Variants in KIZ observed in about 807,000 individuals in gnomAD.
The protein encoded by KIZ is centrosomal protein kizuna.
KIZ carries 68 observed loss-of-function variants against 79.6 expected under a neutral mutation model. The ratio of observed to expected loss-of-function variants is 0.85; its 90% confidence interval spans 0.70 to 1.05. The LOEUF is 1.05. Among genes scored for constraint, KIZ ranks in the 50% least tolerant of loss-of-function variants. The probability of loss-of-function intolerance (pLI) is 0.00; values close to 1 mark genes in which losing one functional copy is unlikely to be tolerated. For synonymous variants in KIZ, 280 were observed against 281.8 expected, an observed-to-expected ratio of 0.99 and a Z score of 0.06; for missense variants, 797 against 800.4, an observed-to-expected ratio of 1.00 and a Z score of 0.05.
intron 6 of KIZ, chr20:21,166,400 T>A (rs1264270069): frequency 6.3e-7 from 1 of 1,598,672 alleles, no homozygotes; most frequent in Non-Finnish European, 8.5e-7. Flanking sequence ...TTAGCCTGCC[T>A]GTGAGGTTCA....
At chr20:21,145,269 A>G (rs540331400) in intron 3 of KIZ, among the ~76,000 whole-genome samples, 40 of 151,950 alleles carry the variant, frequency 2.6e-4, no homozygotes, top group Non-Finnish European at 5.0e-4. Flanking sequence ...CAAACTGTAT[A>G]CATATATATA....
intron 6 of KIZ, among the ~76,000 whole-genome samples, chr20:21,183,585 T>C (rs1600477948): frequency 6.6e-6 from 1 of 152,228 alleles, no homozygotes; most frequent in African/African-American, 2.4e-5. Flanking sequence ...TTTTTACATA[T>C]GTGCTAAATA....
chr20:21,150,049 G>A (rs1233044241), intron 4 of KIZ, among the ~76,000 whole-genome samples: 1 of 152,180 alleles, frequency 6.6e-6, no homozygotes, highest in Non-Finnish European at 1.5e-5. Flanking sequence ...GTCCCATTGG[G>A]GAACCTTGGA....
intron 4 of KIZ, among the ~76,000 whole-genome samples, chr20:21,147,734 A>G (rs1681682308): frequency 1.3e-5 from 2 of 152,238 alleles, no homozygotes; most frequent in South Asian, 4.1e-4. Flanking sequence ...AGTGTGTGAT[A>G]AAGTGCCAGT....
chr20:21,137,538 A>T (rs2122390012), intron 3 of KIZ, among the ~76,000 whole-genome samples: 1 of 151,080 alleles, frequency 6.6e-6, no homozygotes, highest in South Asian at 2.1e-4. Context: ...TCAAATACAC[A>T]GAAGAGTTAG....
intron 2 of KIZ, 78 bp from the exon 3 acceptor site, chr20:21,136,312 A>T: frequency 1.2e-6 from 1 of 866,794 alleles, no homozygotes; most frequent in Non-Finnish European, 1.8e-6. Context: ...CTCATTAACA[A>T]TTTTGATGAA....
chr20:21,214,558 C>G lies in KIZ; in HGVS notation c.1470C>G (p.Ala490=). ...KEEATALLRK[A]LTEECGRRSA... ...AGGCAACAGCATTATTGAGAAAAGC[C>G]CTTACAGAAGAGTGTGGCCGTAGGT... is the stretch of plus-strand genomic sequence containing the variant. Residue 490 remains alanine, a synonymous_variant, in exon 8 of 13, where the codon GCC becomes GCG. Transcript: ENST00000619189. 9 of 1,613,306 alleles carry G rather than the reference C, an allele frequency of 5.6e-6. No homozygotes were observed. The highest frequency in any genetic ancestry group is 7.6e-6 in the Non-Finnish European group (9 of 1,179,496).
In KIZ at chr20:21,126,121, C is replaced by G. The variant is rs1016590278; in HGVS notation, c.6C>G (p.Ser2Arg). Residue 2 changes from serine to arginine, a missense_variant, in exon 1 of 13, where the codon AGC becomes AGG. By Grantham distance (110) the Ser-to-Arg change is moderately radical. Coordinates refer to ENST00000619189, the MANE Select transcript of KIZ (RefSeq NM_018474.6). M[S>R]RTLASAVPLS... ...GCTGGCGCAGCGGCAGCAGCATGAG[C>G]CGGACCCTCGCATCGGCCGTGCCCC... 2.0e-6 allele frequency: 3 copies of G among 1,514,670 alleles called. No individual in the cohort carries two copies. The highest frequency in any genetic ancestry group is 2.7e-6 in the Non-Finnish European group (3 of 1,131,814). The allele number at this position is 1,514,670 out of a possible 1,614,324, so 93.8% of individuals were successfully genotyped here.
rs763757052 is a variant in KIZ, at chr20:21,162,482, G to A, written c.1017G>A (p.Lys339=). 14 of 1,612,786 alleles carry A rather than the reference G, an allele frequency of 8.7e-6. No individual in the cohort carries two copies. Among genetic ancestry groups the A allele is most frequent in the East Asian group, 4.5e-5 (2 of 44,860 alleles). The change falls in exon 5 of 13, where the codon AAG becomes AAA. Residue 339 remains lysine (K), a synonymous_variant. Coordinates refer to ENST00000619189, the MANE Select transcript of KIZ (RefSeq NM_018474.6). The stretch of plus-strand genomic sequence containing the variant: ...CTGAAAATAAGTGGTCTCAAGAGAA[G>A]CATTCTCCTTGGGAAGGTGTTTCAG... ...CESENKWSQE[K]HSPWEGVSDH... is the part of the protein sequence containing the mutation.
At chr20:21,211,995 A>G (rs754517982) in intron 7 of KIZ, among the ~76,000 whole-genome samples, 1 of 152,202 alleles carries the variant, frequency 6.6e-6, no homozygotes, top group Non-Finnish European at 1.5e-5. Context: ...AGGCTGAGGC[A>G]TGAGAATCAC....
chr20:21,139,368 GAAACCAA>G (rs1600364242), intron 3 of KIZ, among the ~76,000 whole-genome samples: 1 of 152,056 alleles, frequency 6.6e-6, no homozygotes, highest in East Asian at 1.9e-4. Context: ...GGGGTATTTA[GAAACCAA>G]GATATATGGT....
chr20:21,199,555 G>A (rs1333618578), intron 6 of KIZ, among the ~76,000 whole-genome samples: 1 of 152,174 alleles, frequency 6.6e-6, no homozygotes, highest in African/African-American at 2.4e-5. Context: ...TGACCTTTGA[G>A]AGACAGCAGT....
intron 10 of KIZ, among the ~76,000 whole-genome samples, chr20:21,232,164 A>T (rs1238291020): frequency 6.6e-6 from 1 of 152,208 alleles, no homozygotes; most frequent in East Asian, 1.9e-4. Flanking sequence ...AACTGGGGGC[A>T]TTGTGGGAAT....
At chr20:21,240,647 G>A (rs748619899) in intron 11 of KIZ, among the ~76,000 whole-genome samples, 3 of 152,256 alleles carry the variant, frequency 2.0e-5, no homozygotes, top group Non-Finnish European at 4.4e-5. Context: ...GGCCTCATGT[G>A]AGGCAGTTCT....
chr20:21,231,515 A>G (rs1219807231), intron 10 of KIZ, among the ~76,000 whole-genome samples: 1 of 152,158 alleles, frequency 6.6e-6, no homozygotes, highest in African/African-American at 2.4e-5. Flanking sequence ...CCCTTGCCCC[A>G]TACTCAAAAT....
At chr20:21,242,772 T>G (rs1569959) in intron 11 of KIZ, among the ~76,000 whole-genome samples, 94,327 of 151,944 alleles carry the variant, frequency 0.62, 29,910 homozygotes, top group South Asian at 0.78. Context: ...CCCAGTCCTG[T>G]CCTGTGAAGG....
At chr20:21,220,771 C>T (rs761645044) in intron 9 of KIZ, among the ~76,000 whole-genome samples, 6 of 152,344 alleles carry the variant, frequency 3.9e-5, no homozygotes, top group Admixed American at 1.3e-4. Context: ...TGAGCCGCCA[C>T]GCCCGGCCTA....
chr20:21,204,684 G>A (rs898572874), intron 6 of KIZ, among the ~76,000 whole-genome samples: 54 of 151,988 alleles, frequency 3.6e-4, no homozygotes, highest in Non-Finnish European at 6.6e-4. Flanking sequence ...CATCTTGTGC[G>A]TTTCCTGCCC....
At chr20:21,203,535 C>T (rs2035679366) in intron 6 of KIZ, among the ~76,000 whole-genome samples, 1 of 152,150 alleles carries the variant, frequency 6.6e-6, no homozygotes, top group Non-Finnish European at 1.5e-5. Flanking sequence ...GTAATTTTCA[C>T]AAAATTATGA....
Sources: allele counts gnomAD v4.1 joint callset (sites outside exome capture counted in the v4.1 genomes callset), GRCh38; gene constraint gnomAD v4.1.1; transcripts MANE v1.5; gene names NCBI Gene and HGNC (gene_info 2026-07-23, HGNC 2026-07-21).